Variants in OR51B5 observed in about 807,000 individuals in gnomAD.
OR51B5 encodes the protein olfactory receptor family 51 subfamily B member 5.
For missense variants in OR51B5, 456 were observed against 374.6 expected, an observed-to-expected ratio of 1.22 and a Z score of -1.79; for synonymous variants, 186 against 144.8, an observed-to-expected ratio of 1.28 and a Z score of -2.04.
Position 5,413,069 on chromosome 11 carries a change from A to G in OR51B5, n.85-66159T>C, listed in dbSNP as rs539113485. 1.7e-3 allele frequency among the ~76,000 whole-genome samples: 264 copies of G among 152,242 alleles called. 1 individual carries two copies. Among genetic ancestry groups the G allele is most frequent in the African/African-American group, 5.8e-3 (240 of 41,548 alleles). ...GCAGACTGACACCTCACACGGCCTG[A>G]TACTCCTCTGAGACAAAACTTCCAG... is the stretch of plus-strand genomic sequence containing the variant. On this transcript the variant is annotated intron_variant and non_coding_transcript_variant, in intron 1 of 4. Transcript: ENST00000415970.
chr11:5,350,706 TATC>T (rs1352684233), intron 1 of OR51B5, among the ~76,000 whole-genome samples: 1 of 152,222 alleles, frequency 6.6e-6, no homozygotes, highest in Non-Finnish European at 1.5e-5. Context: ...TTCAAAAGCT[TATC>T]ATCAAATCCA....
At chr11:5,478,674 A>G (rs1851359343) in intron 1 of OR51B5, among the ~76,000 whole-genome samples, 2 of 151,602 alleles carry the variant, frequency 1.3e-5, no homozygotes, top group African/African-American at 4.9e-5. Flanking sequence ...AAAGGAGCTG[A>G]TGGAGCTGAA....
At chr11:5,454,274 C>T (rs776520075) in intron 1 of OR51B5, 2 of 1,614,190 alleles carry the variant, frequency 1.2e-6, no homozygotes, top group Non-Finnish European at 1.7e-6. Flanking sequence ...CCACAGTGCA[C>T]CGCTTTGGGA....
intron 1 of OR51B5, among the ~76,000 whole-genome samples, chr11:5,372,258 G>A (rs553747493): frequency 2.6e-5 from 4 of 152,132 alleles, no homozygotes; most frequent in East Asian, 3.9e-4. Context: ...TAGAAAATGC[G>A]GATTTTATTT....
At chr11:5,374,227 G>A (rs1400274356) in intron 1 of OR51B5, among the ~76,000 whole-genome samples, 4 of 152,284 alleles carry the variant, frequency 2.6e-5, no homozygotes, top group African/African-American at 9.6e-5. Context: ...AACAGGGTCT[G>A]GAGTGGACCT....
chr11:5,448,450 G>A (rs1351256384), intron 1 of OR51B5, among the ~76,000 whole-genome samples: 1 of 152,202 alleles, frequency 6.6e-6, no homozygotes, highest in African/African-American at 2.4e-5. Context: ...CTTGAATGGG[G>A]TACAAGCTAG....
chr11:5,377,925 T>G (rs1849552451), intron 1 of OR51B5, among the ~76,000 whole-genome samples: 1 of 152,178 alleles, frequency 6.6e-6, no homozygotes, highest in Admixed American at 6.5e-5. Context: ...CCCATCAAGC[T>G]ACCAATGATT....
chr11:5,502,823 G>C (rs1284774245), intron 1 of OR51B5, among the ~76,000 whole-genome samples: 1 of 152,166 alleles, frequency 6.6e-6, no homozygotes, highest in Non-Finnish European at 1.5e-5. Context: ...TTTTCCGTGA[G>C]ATCTCTTTAA....
chr11:5,479,381 C>A (rs12802527), intron 1 of OR51B5, among the ~76,000 whole-genome samples: 49,729 of 150,648 alleles, frequency 0.33, 8,344 homozygotes, highest in Middle Eastern at 0.38. Flanking sequence ...TGGAAAGGAA[C>A]AACCGGTACC....
At chr11:5,464,640 T>G (rs1175664287) in intron 1 of OR51B5, among the ~76,000 whole-genome samples, 1 of 152,132 alleles carries the variant, frequency 6.6e-6, no homozygotes, top group South Asian at 2.1e-4. Context: ...GGCTGCATAG[T>G]ATTCCATGGT....
At chr11:5,355,224 TGAA>T (rs1341007571) in intron 1 of OR51B5, 4 of 176,408 alleles carry the variant, frequency 2.3e-5, no homozygotes, top group African/African-American at 7.2e-5. Flanking sequence ...AGAGAAAGTT[TGAA>T]GAGTTTAATG....
intron 1 of OR51B5, chr11:5,453,452 G>T (rs771904526): frequency 2.1e-6 from 3 of 1,421,174 alleles, no homozygotes; most frequent in Non-Finnish European, 2.8e-6. Flanking sequence ...CAAGTCAGAA[G>T]ATCTGACTCT....
intron 1 of OR51B5, among the ~76,000 whole-genome samples, chr11:5,368,085 C>A (rs982815577): frequency 6.6e-6 from 1 of 152,202 alleles, no homozygotes; most frequent in African/African-American, 2.4e-5. Context: ...CAGGCTCACT[C>A]AGAACTCTCT....
chr11:5,422,832 T>C (rs767023897), intron 1 of OR51B5: 3 of 1,614,044 alleles, frequency 1.9e-6, no homozygotes, highest in Non-Finnish European at 2.5e-6. Flanking sequence ...ATTATTATCG[T>C]GGATCCTCTG....
chr11:5,371,994 CTTTA>C (rs1292602764), intron 1 of OR51B5, among the ~76,000 whole-genome samples: 8 of 151,896 alleles, frequency 5.3e-5, no homozygotes, highest in African/African-American at 1.9e-4. Context: ...AATATCATGC[CTTTA>C]TTTGTTTCTG....
chr11:5,380,015 C>A (rs1005806098), intron 1 of OR51B5, among the ~76,000 whole-genome samples: 1 of 151,608 alleles, frequency 6.6e-6, no homozygotes, highest in African/African-American at 2.4e-5. Flanking sequence ...GCTACCCAGA[C>A]TCAGGTACTC....
chr11:5,411,319 C>T (rs888710574), intron 1 of OR51B5, among the ~76,000 whole-genome samples: 6 of 152,176 alleles, frequency 3.9e-5, no homozygotes, highest in African/African-American at 1.4e-4. Flanking sequence ...GCAACATGTA[C>T]ATGTTTGTAG....
upstream of OR51B5, among the ~76,000 whole-genome samples, chr11:5,345,375 GAAAAATAGAAAAACTT>G (rs1430720567): frequency 6.6e-6 from 1 of 152,078 alleles, no homozygotes; most frequent in Admixed American, 6.5e-5. Context: ...GAAAAAAAGA[GAAAAATAGAAAAACTT>G]AAACAGAGAC....
intron 1 of OR51B5, among the ~76,000 whole-genome samples, chr11:5,412,856 G>C (rs1211944512): frequency 2.0e-5 from 3 of 151,690 alleles, no homozygotes; most frequent in Non-Finnish European, 1.5e-5. Flanking sequence ...CTCCACCTCT[G>C]GGGGCAGGGC....
Sources: gnomAD v4.1 joint callset for allele counts (sites outside exome capture counted in the v4.1 genomes callset) on GRCh38, gnomAD v4.1.1 for gene constraint, MANE v1.5 for transcripts, NCBI Gene and HGNC (gene_info 2026-07-23, HGNC 2026-07-21) for gene names.